KLF12: variants seen among roughly 807,000 people sequenced by gnomAD.
KLF12 encodes the protein Krueppel-like factor 12.
KLF12 carries 9 observed loss-of-function variants against 37.8 expected under a neutral mutation model. That is an observed-to-expected ratio of 0.24 (90% confidence interval 0.14 to 0.42). The LOEUF is 0.42. Ranked by LOEUF, KLF12 falls within the 10% of genes least tolerant of loss-of-function variation. The probability of loss-of-function intolerance (pLI) is 1.00; values close to 1 mark genes in which losing one functional copy is unlikely to be tolerated. For missense variants in KLF12, 411 were observed against 516.0 expected (o/e 0.80, Z 1.97); for synonymous variants, 208 against 202.1 (o/e 1.03, Z -0.25).
the KLF12 span, among the ~76,000 whole-genome samples, chr13:74,166,279 A>G: frequency 6.6e-6 from 1 of 151,822 alleles, no homozygotes; most frequent in Non-Finnish European, 1.5e-5. Context: ...TTTTGCACAG[A>G]CAGGGTTTTG....
chr13:74,259,255 A>T, the KLF12 span: 2 of 152,266 alleles, frequency 1.3e-5, no homozygotes, highest in African/African-American at 4.8e-5. Flanking sequence ...TAACACTCAC[A>T]GTATCCCAGG....
At chr13:74,058,448 C>T (rs899678351) in intron 1 of KLF12, among the ~76,000 whole-genome samples, 5 of 149,936 alleles carry the variant, frequency 3.3e-5, no homozygotes, top group Admixed American at 6.7e-5. Context: ...GCTCCGCCTC[C>T]GGGTTCACGC....
chr13:74,049,210 A>C (rs1193331011), intron 1 of KLF12, among the ~76,000 whole-genome samples: 3 of 152,238 alleles, frequency 2.0e-5, no homozygotes, highest in Non-Finnish European at 4.4e-5. Context: ...TGTACAAGAG[A>C]AAATCATACC....
intron 3 of KLF12, 62 bp downstream of exon 3, chr13:73,943,919 C>A: frequency 1.0e-6 from 1 of 984,328 alleles, no homozygotes. Flanking sequence ...CCTCAGGATG[C>A]TCTGCAGAAG....
intron 6 of KLF12, among the ~76,000 whole-genome samples, chr13:73,732,050 T>C (rs868158723): frequency 1.3e-5 from 2 of 152,054 alleles, no homozygotes; most frequent in African/African-American, 4.8e-5. Context: ...GTAACTGCTG[T>C]TTCACTTTGT....
intron 1 of KLF12, among the ~76,000 whole-genome samples, chr13:74,060,074 T>C (rs1873483359): frequency 6.6e-6 from 1 of 152,194 alleles, no homozygotes; most frequent in Non-Finnish European, 1.5e-5. Context: ...GGTTGCAGTA[T>C]GTGGCTTGAT....
At chr13:73,877,277 G>A (rs916253949) in intron 3 of KLF12, among the ~76,000 whole-genome samples, 7 of 151,966 alleles carry the variant, frequency 4.6e-5, no homozygotes, top group South Asian at 2.1e-4. Context: ...CAATCAGACC[G>A]TATTAATAGT....
chr13:73,814,028 G>C (rs184903463), intron 4 of KLF12, among the ~76,000 whole-genome samples: 112 of 151,622 alleles, frequency 7.4e-4, no homozygotes, highest in African/African-American at 2.1e-3. Context: ...TCAAATGAGA[G>C]GGTTACTTAC....
At chr13:74,119,616 G>A (rs1877506585) in intron 1 of KLF12, among the ~76,000 whole-genome samples, 1 of 152,164 alleles carries the variant, frequency 6.6e-6, no homozygotes, top group Non-Finnish European at 1.5e-5. Flanking sequence ...ACAGCAGGAA[G>A]AATTAGGAAA....
intron 2 of KLF12, among the ~76,000 whole-genome samples, chr13:73,966,905 C>A (rs1480661372): frequency 1.3e-5 from 2 of 152,112 alleles, no homozygotes; most frequent in Non-Finnish European, 2.9e-5. Flanking sequence ...ACTTAAATAT[C>A]CCAGACTGAG....
At chr13:74,019,799 A>G (rs962818979) in intron 1 of KLF12, among the ~76,000 whole-genome samples, 5 of 152,244 alleles carry the variant, frequency 3.3e-5, no homozygotes, top group African/African-American at 1.2e-4. Context: ...TTCTTTCAGG[A>G]ACCTCTGTAA....
At chr13:73,891,757 G>T (rs141931060) in intron 3 of KLF12, among the ~76,000 whole-genome samples, 2 of 152,190 alleles carry the variant, frequency 1.3e-5, no homozygotes, top group East Asian at 3.9e-4. Flanking sequence ...CAGATGACAA[G>T]AACAGAAATT....
chr13:73,869,781 T>C (rs992099100), intron 3 of KLF12, among the ~76,000 whole-genome samples: 11 of 152,184 alleles, frequency 7.2e-5, no homozygotes, highest in African/African-American at 2.2e-4. Flanking sequence ...TTCTCTTCTA[T>C]TGAAGGCTTT....
chr13:74,270,755 C>G, the KLF12 span, among the ~76,000 whole-genome samples: 2 of 152,034 alleles, frequency 1.3e-5, no homozygotes, highest in Non-Finnish European at 2.9e-5. Flanking sequence ...GCCTGCGAAC[C>G]CTGGAGCTTG....
intron 3 of KLF12, among the ~76,000 whole-genome samples, chr13:73,899,734 T>C (rs1224630324): frequency 6.6e-6 from 1 of 152,192 alleles, no homozygotes; most frequent in Non-Finnish European, 1.5e-5. Flanking sequence ...GGCACCCTTC[T>C]TCTCCTGCTC....
chr13:74,148,403 CTTTTTTT>C, the KLF12 span, among the ~76,000 whole-genome samples: 7 of 73,498 alleles, frequency 9.5e-5, no homozygotes, highest in South Asian at 1.3e-3. Context: ...CAAAACTGCT[CTTTTTTT>C]TTTTTTTTTT....
At position 73,813,276 on chromosome 13, in the gene KLF12, G is replaced by A; in HGVS notation, c.682C>T (p.Pro228Ser). Reference sequence around the variant, plus strand: ...CTTTGTCTGGGAGATAGGCCTCGGGGGTCCATTTGTGCTGGAGAGAAAAGG... The same window carrying A: ...CTTTGTCTGGGAGATAGGCCTCGGGAGTCCATTTGTGCTGGAGAGAAAAGG... The change falls in exon 5 of 8, where the codon CCC (proline) becomes TCC (serine). Residue 228 changes from proline to serine, a missense_variant. Pro to Ser is a moderately conservative substitution (Grantham distance 74, BLOSUM62 -1). This residue lies in a region of KLF12 where 351 missense variants were observed against 397.8 expected (regional missense o/e 0.88). Coordinates refer to ENST00000377669, the MANE Select transcript of KLF12 (RefSeq NM_007249.5). 1.9e-6 allele frequency: 3 copies of A among 1,613,774 alleles called. No individual in the cohort carries two copies. The highest frequency in any genetic ancestry group is 2.7e-5 in the African/African-American group (2 of 74,984).
intron 1 of KLF12, among the ~76,000 whole-genome samples, chr13:74,124,564 CAT>C (rs1340748728): frequency 6.6e-6 from 1 of 152,170 alleles, no homozygotes; most frequent in East Asian, 1.9e-4. Flanking sequence ...GACAGCATCA[CAT>C]AAAGTGCATT....
At chr13:73,942,851 C>T (rs969323899) in intron 3 of KLF12, among the ~76,000 whole-genome samples, 1 of 152,174 alleles carries the variant, frequency 6.6e-6, no homozygotes, top group Admixed American at 6.5e-5. Context: ...TGTTCAAACA[C>T]AGGCTTACAC....
Sources: gnomAD v4.1 joint callset for allele counts (sites outside exome capture counted in the v4.1 genomes callset) on GRCh38, gnomAD v4.1.1 for gene constraint, gnomAD v4.1.1 regional missense constraint, MANE v1.5 for transcripts, NCBI Gene and HGNC (gene_info 2026-07-23, HGNC 2026-07-21) for gene names.